ESR1: variants seen among roughly 807,000 people sequenced by gnomAD.
ESR1 encodes estrogen receptor 1.
A neutral mutation model predicts 52.7 loss-of-function variants in ESR1; 12 were observed. The observed-to-expected ratio is 0.23, with a 90% CI of 0.15 to 0.37. The LOEUF is 0.37. ESR1 is among the 10% of genes least tolerant of loss of function. The pLI is 1.00. For missense variants in ESR1, 584 were observed against 779.7 expected (o/e 0.75, Z 2.99); for synonymous variants, 305 against 316.8 (o/e 0.96, Z 0.39).
At chr6:152,090,395 C>G (rs2050084576) in intron 6 of ESR1, among the ~76,000 whole-genome samples, 1 of 152,234 alleles carries the variant, frequency 6.6e-6, no homozygotes, top group South Asian at 2.1e-4. Flanking sequence ...GCTGTCACAT[C>G]CTTCCTTTGG....
At chr6:151,673,815 G>C (rs1268434364) in intron 1 of ESR1, among the ~76,000 whole-genome samples, 1 of 152,076 alleles carries the variant, frequency 6.6e-6, no homozygotes, top group Non-Finnish European at 1.5e-5. Flanking sequence ...CCAGGAAATT[G>C]AGGTTGCAGT....
intron 3 of ESR1, among the ~76,000 whole-genome samples, chr6:151,929,920 G>A (rs560725006): frequency 5.2e-4 from 78 of 150,594 alleles, no homozygotes; most frequent in African/African-American, 1.6e-3. Flanking sequence ...TTGGTCTTTC[G>A]TAGTTTTATT....
intron 2 of ESR1, among the ~76,000 whole-genome samples, chr6:151,786,417 C>T (rs779318094): frequency 2.6e-5 from 4 of 152,134 alleles, no homozygotes; most frequent in Admixed American, 6.5e-5. Flanking sequence ...AGACCTGGCA[C>T]GGCATAAAGC....
intron 1 of ESR1, 109 bp from the exon 2 acceptor site, chr6:151,842,488 A>C: frequency 1.0e-6 from 1 of 996,400 alleles, no homozygotes; most frequent in Non-Finnish European, 1.5e-6. Flanking sequence ...AGCTTACATT[A>C]TGATTCATTA....
At chr6:151,660,481 T>C (rs1777601543) in intron 1 of ESR1, among the ~76,000 whole-genome samples, 1 of 152,212 alleles carries the variant, frequency 6.6e-6, no homozygotes, top group South Asian at 2.1e-4. Flanking sequence ...CATGGGGTTG[T>C]TGTGAGGGTT....
At chr6:151,854,013 T>C (rs1368908194) in intron 2 of ESR1, among the ~76,000 whole-genome samples, 3 of 152,180 alleles carry the variant, frequency 2.0e-5, no homozygotes, top group Non-Finnish European at 4.4e-5. Context: ...ACAACCATGG[T>C]TCGTGGCCTA....
At chr6:151,988,065 C>T (rs1233577277) in intron 4 of ESR1, among the ~76,000 whole-genome samples, 1 of 152,070 alleles carries the variant, frequency 6.6e-6, no homozygotes, top group Non-Finnish European at 1.5e-5. Context: ...GACAGTTTTT[C>T]CATGGACCAG....
intron 2 of ESR1, among the ~76,000 whole-genome samples, chr6:151,856,604 T>A (rs1200318129): frequency 6.6e-6 from 1 of 151,860 alleles, no homozygotes; most frequent in Non-Finnish European, 1.5e-5. Flanking sequence ...TTTGGAAGAT[T>A]CAGTTCCTCT....
At chr6:151,959,153 A>G (rs886964473) in intron 4 of ESR1, among the ~76,000 whole-genome samples, 1 of 152,110 alleles carries the variant, frequency 6.6e-6, no homozygotes, top group African/African-American at 2.4e-5. Flanking sequence ...ACACTCCCTG[A>G]TGTGTGAACT....
intron 2 of ESR1, among the ~76,000 whole-genome samples, chr6:151,720,638 C>A (rs1781386470): frequency 6.6e-6 from 1 of 152,210 alleles, no homozygotes; most frequent in African/African-American, 2.4e-5. Flanking sequence ...CTTTAAAAAA[C>A]AACAAGTATA....
chr6:152,122,229 C>T (rs1053727948), intron 6 of ESR1: 1 of 753,118 alleles, frequency 1.3e-6, no homozygotes, highest in Non-Finnish European at 2.1e-6. Context: ...TTCTTCCAAA[C>T]CTTCTTGTTG....
intron 4 of ESR1, among the ~76,000 whole-genome samples, chr6:151,979,554 A>T (rs951502475): frequency 6.6e-6 from 1 of 152,188 alleles, no homozygotes; most frequent in African/African-American, 2.4e-5. Flanking sequence ...AAATACAATC[A>T]TATAAAATCA....
intron 5 of ESR1, among the ~76,000 whole-genome samples, chr6:152,020,362 G>A (rs2043531780): frequency 6.6e-6 from 1 of 152,190 alleles, no homozygotes; most frequent in Non-Finnish European, 1.5e-5. Context: ...GATGAGCCCA[G>A]TTTGTACATC....
intron 2 of ESR1, among the ~76,000 whole-genome samples, chr6:151,868,668 C>T (rs918097750): frequency 3.9e-5 from 6 of 152,116 alleles, no homozygotes; most frequent in Admixed American, 6.5e-5. Flanking sequence ...TGTAGTATTC[C>T]GTGGTGTAGA....
chr6:151,712,983 A>G (rs1200167266), intron 2 of ESR1, among the ~76,000 whole-genome samples: 1 of 152,088 alleles, frequency 6.6e-6, no homozygotes, highest in Non-Finnish European at 1.5e-5. Flanking sequence ...CTTGTCATGA[A>G]TATCTCTTAT....
rs190925804 is a variant in ESR1 at position 152,094,746 on chromosome 6, C to T, written c.1553+178C>T. ...ACAGAAGAGAGAGGTTTTAAATCTG[C>T]GAGGGTCACAGGGCAAGTGTCAGAG... On this transcript the variant is annotated intron_variant, in intron 7 of 7. Coordinates refer to ENST00000206249, the MANE Select transcript of ESR1 (RefSeq NM_000125.4). The surrounding 1 kb of genome is among the most constrained non-coding windows in gnomAD (Gnocchi z 4.6). Among the ~76,000 whole-genome samples the T allele has an allele frequency of 1.1e-3, 172 of 152,226 alleles. 3 individuals are homozygous for T. The Middle Eastern group carries it at 0.024, about 21-fold the overall frequency.
intron 4 of ESR1, among the ~76,000 whole-genome samples, chr6:151,972,844 A>C: frequency 6.6e-6 from 1 of 152,196 alleles, no homozygotes; most frequent in East Asian, 1.9e-4. Flanking sequence ...GGGAAGCCAA[A>C]AGTGCAGCCT....
chr6:151,968,543 C>A (rs1001744731), intron 4 of ESR1, among the ~76,000 whole-genome samples: 3 of 152,100 alleles, frequency 2.0e-5, no homozygotes, highest in Admixed American at 2.0e-4. Context: ...GGCTAATATC[C>A]AGAATGATCT....
At chr6:151,840,030 T>A (rs768676975) in intron 1 of ESR1, among the ~76,000 whole-genome samples, 1 of 152,210 alleles carries the variant, frequency 6.6e-6, no homozygotes, top group Non-Finnish European at 1.5e-5. Flanking sequence ...ACTTGACACA[T>A]TGGAACTTCT....
Sources: gnomAD v4.1 joint callset for allele counts (sites outside exome capture counted in the v4.1 genomes callset) on GRCh38, gnomAD v4.1.1 for gene constraint, Gnocchi (gnomAD v3.1) non-coding constraint, MANE v1.5 for transcripts, NCBI Gene and HGNC (gene_info 2026-07-23, HGNC 2026-07-21) for gene names.